Variants in FGGY observed in about 807,000 individuals in gnomAD.
FGGY encodes the protein FGGY carbohydrate kinase domain containing.
FGGY carries 72 observed loss-of-function variants against 71.3 expected under a neutral mutation model. The ratio of observed to expected loss-of-function variants is 1.01; its 90% CI spans 0.84 to 1.23. The LOEUF is 1.23. Ranked by LOEUF, FGGY falls within the 50% of genes most tolerant of loss-of-function variation. The pLI is 0.00. For synonymous variants in FGGY, 251 were observed against 250.3 expected (o/e 1.00, Z -0.02); for missense variants, 668 against 682.3 (o/e 0.98, Z 0.23).
intron 6 of FGGY, among the ~76,000 whole-genome samples, chr1:59,498,094 C>A (rs2094103961): frequency 6.6e-6 from 1 of 152,178 alleles, no homozygotes; most frequent in Admixed American, 6.5e-5. Flanking sequence ...CATGAGTTAG[C>A]TTTTCTTTAT....
chr1:59,458,722 A>G (rs1181194744), intron 6 of FGGY, among the ~76,000 whole-genome samples: 4 of 152,352 alleles, frequency 2.6e-5, no homozygotes, highest in East Asian at 3.9e-4. Flanking sequence ...CATATCATTA[A>G]GCAGAATATT....
At chr1:59,750,142 C>T (rs1209992978) in intron 14 of FGGY, among the ~76,000 whole-genome samples, 1 of 152,142 alleles carries the variant, frequency 6.6e-6, no homozygotes, top group Non-Finnish European at 1.5e-5. Flanking sequence ...GAGCCTGGAT[C>T]CAACCCCAAG....
At chr1:59,678,257 T>G (rs2097456241) in intron 14 of FGGY, among the ~76,000 whole-genome samples, 1 of 152,202 alleles carries the variant, frequency 6.6e-6, no homozygotes, top group Non-Finnish European at 1.5e-5. Context: ...CCCTTTACTC[T>G]TAGGAATGTG....
intron 8 of FGGY, among the ~76,000 whole-genome samples, chr1:59,580,965 T>A (rs1278291727): frequency 1.3e-5 from 2 of 152,196 alleles, no homozygotes; most frequent in Admixed American, 1.3e-4. Flanking sequence ...CAGTTTGTAT[T>A]ACAAAGCTAA....
intron 8 of FGGY, among the ~76,000 whole-genome samples, chr1:59,567,012 C>T (rs934517411): frequency 4.6e-5 from 7 of 151,848 alleles, no homozygotes; most frequent in Non-Finnish European, 8.8e-5. Context: ...AATAGGTGTC[C>T]GTTAAATAAT....
chr1:59,578,486 C>A (rs1369714145), intron 8 of FGGY, among the ~76,000 whole-genome samples: 4 of 152,044 alleles, frequency 2.6e-5, no homozygotes, highest in African/African-American at 9.7e-5. Context: ...CCAGCAAGTC[C>A]CCTTCTTGAA....
chr1:59,614,644 G>A (rs1223182713), intron 9 of FGGY, among the ~76,000 whole-genome samples: 2 of 152,126 alleles, frequency 1.3e-5, no homozygotes, highest in Non-Finnish European at 2.9e-5. Context: ...GGAAGTTCTG[G>A]TCAGGGCAAT....
At chr1:59,569,279 G>T (rs2153731773) in intron 8 of FGGY, among the ~76,000 whole-genome samples, 1 of 152,096 alleles carries the variant, frequency 6.6e-6, no homozygotes, top group East Asian at 1.9e-4. Context: ...AGAATAAAAA[G>T]AACAAAAGGT....
intron 14 of FGGY, among the ~76,000 whole-genome samples, chr1:59,732,621 G>T (rs994421560): frequency 6.6e-6 from 1 of 151,932 alleles, no homozygotes; most frequent in Non-Finnish European, 1.5e-5. Context: ...TGAGAGAAAA[G>T]GGGGGTCAGA....
intron 4 of FGGY, among the ~76,000 whole-genome samples, chr1:59,369,224 C>A (rs1008419319): frequency 6.6e-6 from 1 of 152,212 alleles, no homozygotes; most frequent in African/African-American, 2.4e-5. Flanking sequence ...CTGCGCTTTT[C>A]CGACGGGCTT....
At chr1:59,539,660 A>G (rs1426460812) in intron 7 of FGGY, among the ~76,000 whole-genome samples, 1 of 152,224 alleles carries the variant, frequency 6.6e-6, no homozygotes, top group Non-Finnish European at 1.5e-5. Flanking sequence ...AGTTCCTAAA[A>G]GACAAGGTCT....
At chr1:59,738,175 C>T (rs994034944) in intron 14 of FGGY, among the ~76,000 whole-genome samples, 5 of 152,150 alleles carry the variant, frequency 3.3e-5, no homozygotes, top group South Asian at 2.1e-4. Context: ...TTGAAGAAAA[C>T]GTTCTCACAG....
chr1:59,604,267 G>A (rs1420516871), intron 8 of FGGY, among the ~76,000 whole-genome samples: 1 of 152,186 alleles, frequency 6.6e-6, no homozygotes, highest in Non-Finnish European at 1.5e-5. Context: ...TAGGTTTGTT[G>A]CAAAAGATTA....
intron 6 of FGGY, among the ~76,000 whole-genome samples, chr1:59,481,743 T>C (rs536875013): frequency 9.2e-5 from 14 of 152,254 alleles, no homozygotes; most frequent in Non-Finnish European, 1.3e-4. Flanking sequence ...GGTATTGTAT[T>C]TGCAAGGCCA....
intron 4 of FGGY, among the ~76,000 whole-genome samples, chr1:59,371,227 G>A (rs1297622000): frequency 5.3e-4 from 81 of 151,622 alleles, no homozygotes; most frequent in African/African-American, 1.9e-3. Context: ...CCAAGCAAAT[G>A]GAAAACAAAA....
intron 11 of FGGY, among the ~76,000 whole-genome samples, chr1:59,639,211 G>A (rs1479734751): frequency 6.6e-6 from 1 of 152,180 alleles, no homozygotes; most frequent in Admixed American, 6.5e-5. Context: ...AGGAAGCCGC[G>A]TAACAGTGGA....
chr1:59,730,777 A>G lies in FGGY; in HGVS notation c.1513-27154A>G, dbSNP rs115806371. Among the ~76,000 whole-genome samples the G allele has an allele frequency of 1.0e-3, 158 of 152,306 alleles. 1 individual carries two copies. The highest frequency in any genetic ancestry group is 3.5e-3 in the African/African-American group (147 of 41,562). ...GAGGTAAAGCATTGCCAGAGAAGAA[A>G]ACCATCACCTGAGTTGAGTTGTAAA... On this transcript the variant is annotated intron_variant, in intron 14 of 15. Coordinates refer to ENST00000303721, the MANE Select transcript of FGGY (RefSeq NM_018291.5).
At chr1:59,452,853 G>A (rs999708594) in intron 5 of FGGY, among the ~76,000 whole-genome samples, 4 of 152,130 alleles carry the variant, frequency 2.6e-5, no homozygotes, top group African/African-American at 9.7e-5. Context: ...GACTCTGTAG[G>A]GCCCCTATCT....
At chr1:59,480,540 G>A (rs865940758) in intron 6 of FGGY, among the ~76,000 whole-genome samples, 27 of 152,130 alleles carry the variant, frequency 1.8e-4, no homozygotes, top group Admixed American at 2.6e-4. Flanking sequence ...GGGAAGCTGG[G>A]GAAAGGTCCA....
Sources: allele counts gnomAD v4.1 joint callset (sites outside exome capture counted in the v4.1 genomes callset), GRCh38; gene constraint gnomAD v4.1.1; transcripts MANE v1.5; gene names NCBI Gene and HGNC (gene_info 2026-07-23, HGNC 2026-07-21).